The following CELF2 variants were observed in gnomAD, a reference collection of about 807,000 sequenced individuals.
The protein encoded by CELF2 is CUGBP Elav-like family member 2.
Under a neutral mutation model 62.6 loss-of-function variants are expected in CELF2, and 8 were observed. That is an observed-to-expected ratio of 0.13 (90% CI 0.07 to 0.23). The LOEUF (loss-of-function observed/expected upper bound fraction) is 0.23, where lower values mean the gene tolerates loss of function less well. Ranked by LOEUF, CELF2 falls within the 10% of genes least tolerant of loss-of-function variation. The pLI is 1.00. For missense variants in CELF2, 333 were observed against 671.0 expected (o/e 0.50, Z 5.56); for synonymous variants, 258 against 250.0 (o/e 1.03, Z -0.30).
intron 2 of CELF2, among the ~76,000 whole-genome samples, chr10:11,184,653 C>G (rs374394665): frequency 2.8e-4 from 42 of 152,272 alleles, no homozygotes; most frequent in African/African-American, 1.0e-3. Flanking sequence ...TTTATATTTT[C>G]CGTGGTCTTC....
chr10:11,038,214 G>C (rs1480978025), intron 1 of CELF2, among the ~76,000 whole-genome samples: 1 of 152,206 alleles, frequency 6.6e-6, no homozygotes, highest in African/African-American at 2.4e-5. Context: ...TCAGCGTTCA[G>C]GGGGTGAACA....
the CELF2 span, among the ~76,000 whole-genome samples, chr10:10,730,428 G>C: frequency 6.6e-6 from 1 of 152,184 alleles, no homozygotes; most frequent in African/African-American, 2.4e-5. Context: ...AGTGAGCCAA[G>C]ATCGTGCCAC....
chr10:10,930,003 T>C (rs2065908510), intron 2 of CELF2, among the ~76,000 whole-genome samples: 1 of 152,228 alleles, frequency 6.6e-6, no homozygotes, highest in Admixed American at 6.5e-5. Flanking sequence ...TGCCCGCCTA[T>C]CACGGGCAGC....
the CELF2 span, among the ~76,000 whole-genome samples, chr10:10,491,937 T>C: frequency 6.6e-6 from 1 of 152,142 alleles, no homozygotes; most frequent in Non-Finnish European, 1.5e-5. Flanking sequence ...CAGGTCTTTT[T>C]TCCTTTCTTC....
the CELF2 span, among the ~76,000 whole-genome samples, chr10:10,682,956 C>A: frequency 6.6e-6 from 1 of 152,148 alleles, no homozygotes; most frequent in Non-Finnish European, 1.5e-5. Context: ...CCTGGATTGA[C>A]AACATGGACC....
chr10:11,000,328 A>G (rs779741748), upstream of CELF2, among the ~76,000 whole-genome samples: 1 of 152,184 alleles, frequency 6.6e-6, no homozygotes, highest in Admixed American at 6.5e-5. Flanking sequence ...GCAGAGAATC[A>G]TGATTACTCT....
rs1299702060 is a variant in CELF2, at chr10:11,314,413, T to G, written c.1096+155T>G. ...AGCACATGCTTTGATAGGCAAAAGCTGTCTACACTCGTTTTGCCTCAGAAA... is the reference window on the plus strand; with the variant it reads ...AGCACATGCTTTGATAGGCAAAAGCGGTCTACACTCGTTTTGCCTCAGAAA... On this transcript the variant is annotated intron_variant, in intron 10 of 12. Transcript: ENST00000633077. This position sits in a 1 kb window ranked among gnomAD's most constrained non-coding sequence, Gnocchi z 5.3. The G allele has an allele frequency of 1.1e-6, 1 of 931,426 alleles. No homozygotes were observed. Among genetic ancestry groups the G allele is most frequent in the Admixed American group, 1.9e-5 (1 of 51,504 alleles). 57.7% of individuals were successfully genotyped at this position (931,426 alleles called of 1,614,324 possible).
At chr10:10,984,965 G>A (rs2052563278) in intron 2 of CELF2, among the ~76,000 whole-genome samples, 1 of 151,986 alleles carries the variant, frequency 6.6e-6, no homozygotes, top group Non-Finnish European at 1.5e-5. Flanking sequence ...ATGTGAATGT[G>A]GTCAATGGAG....
chr10:10,555,114 T>C, the CELF2 span, among the ~76,000 whole-genome samples: 1 of 152,066 alleles, frequency 6.6e-6, no homozygotes, highest in Non-Finnish European at 1.5e-5. Context: ...GGGAAAGCCA[T>C]AGGGTGACAC....
the CELF2 span, among the ~76,000 whole-genome samples, chr10:10,495,175 G>C: frequency 1.4e-4 from 21 of 152,178 alleles, no homozygotes; most frequent in Non-Finnish European, 2.9e-5. Flanking sequence ...CAGCTACTCG[G>C]GAGGCTGAGG....
the CELF2 span, among the ~76,000 whole-genome samples, chr10:10,658,113 G>A: frequency 6.6e-6 from 1 of 152,070 alleles, no homozygotes; most frequent in African/African-American, 2.4e-5. Flanking sequence ...CTATTCCCCT[G>A]TTGAGAATGG....
intron 1 of CELF2, among the ~76,000 whole-genome samples, chr10:11,111,828 C>T (rs1049099712): frequency 2.6e-5 from 4 of 152,182 alleles, no homozygotes; most frequent in Admixed American, 2.0e-4. Flanking sequence ...GACAGTAATA[C>T]GTCTTAGAAA....
At position 11,333,537 on chromosome 10, in the gene CELF2, T is replaced by C. The variant is rs1366310935; in HGVS notation, c.*4484T>C. ...TGTTTGTTTTTATTATCTTAAGTGC[T>C]AATTAAAAAAAAAATAAAATTTTAA... On this transcript the variant is annotated 3_prime_UTR_variant, in exon 13 of 13. Coordinates refer to ENST00000633077, the MANE Select transcript of CELF2 (RefSeq NM_001326342.2). The C allele has an allele frequency of 2.6e-5, 4 of 152,122 alleles. No homozygotes were observed. The highest frequency in any genetic ancestry group is 5.9e-5 in the Non-Finnish European group (4 of 68,000). The allele number at this position is 152,122 out of a possible 1,614,324, so 9.4% of individuals were successfully genotyped here.
rs1009995647 is a variant in CELF2, at chr10:11,260,128, C to A, written c.538+2256C>A. Among the ~76,000 whole-genome samples the A allele has an allele frequency of 2.0e-5, 3 of 152,248 alleles. No individual in the cohort carries two copies. Among genetic ancestry groups the A allele is most frequent in the Non-Finnish European group, 4.4e-5 (3 of 68,036 alleles). On this transcript the variant is annotated intron_variant, in intron 5 of 12. Coordinates refer to ENST00000633077, the MANE Select transcript of CELF2 (RefSeq NM_001326342.2). The surrounding 1 kb of genome is among the most constrained non-coding windows in gnomAD (Gnocchi z 4.2). ...AGTCATTTTATTTTCTTACCTCTGT[C>A]CTGAGCTTTCCCCATTTGTAAATGA...
intron 1 of CELF2, among the ~76,000 whole-genome samples, chr10:10,832,609 G>C (rs1020376855): frequency 1.3e-5 from 2 of 152,218 alleles, no homozygotes; most frequent in East Asian, 3.9e-4. Flanking sequence ...CAGGTGAGTC[G>C]GTTCAATAAA....
the CELF2 span, among the ~76,000 whole-genome samples, chr10:10,509,594 G>A: frequency 6.6e-6 from 1 of 152,134 alleles, no homozygotes; most frequent in Non-Finnish European, 1.5e-5. Context: ...TAGTATTTTT[G>A]TAATATCAGC....
At chr10:10,622,235 G>A in the CELF2 span, among the ~76,000 whole-genome samples, 291 of 152,300 alleles carry the variant, frequency 1.9e-3, no homozygotes, top group African/African-American at 6.4e-3. Flanking sequence ...TCTCAAATGA[G>A]TGTTTTGGTT....
the CELF2 span, among the ~76,000 whole-genome samples, chr10:10,510,658 C>T: frequency 6.6e-6 from 1 of 152,122 alleles, no homozygotes; most frequent in Non-Finnish European, 1.5e-5. Flanking sequence ...CCTCTTGGAG[C>T]TTACATTCTA....
intron 1 of CELF2, among the ~76,000 whole-genome samples, chr10:10,838,495 G>C (rs538302427): frequency 6.6e-6 from 1 of 152,254 alleles, no homozygotes; most frequent in Non-Finnish European, 1.5e-5. Context: ...TCTACAAGAA[G>C]TATTTGGAAT....
Sources: gnomAD v4.1 joint callset for allele counts (sites outside exome capture counted in the v4.1 genomes callset) on GRCh38, gnomAD v4.1.1 for gene constraint, Gnocchi (gnomAD v3.1) non-coding constraint, MANE v1.5 for transcripts, NCBI Gene and HGNC (gene_info 2026-07-23, HGNC 2026-07-21) for gene names.